NHS: variants seen among roughly 807,000 people sequenced by gnomAD.
The protein encoded by NHS is actin remodeling regulator NHS.
In NHS, 5 loss-of-function variants were observed where a neutral mutation model predicts 72.5. The observed-to-expected ratio is 0.07, with a 90% confidence interval of 0.04 to 0.14. The LOEUF is 0.14. Among genes scored for constraint, NHS ranks in the 10% least tolerant of loss-of-function variants. The probability of loss-of-function intolerance (pLI) is 1.00; values close to 1 mark genes in which losing one functional copy is unlikely to be tolerated. For synonymous variants in NHS, 464 were observed against 547.7 expected (o/e 0.85, Z 2.13); for missense variants, 1,072 against 1,355.7 (o/e 0.79, Z 3.29).
intron 1 of NHS, among the ~76,000 whole-genome samples, chrX:17,541,539 T>C (rs1195231499): frequency 9.0e-6 from 1 of 111,391 alleles, no homozygotes; most frequent in African/African-American, 3.3e-5. Context: ...ATAATGATAA[T>C]GATTTTTACT....
chrX:17,547,060 C>T (rs1318497521), intron 1 of NHS, among the ~76,000 whole-genome samples: 3 of 112,450 alleles, frequency 2.7e-5, no homozygotes, highest in Non-Finnish European at 3.8e-5. Context: ...TTGCACCCTT[C>T]AGGCATTTGC....
At chrX:17,543,006 C>T (rs2065271950) in intron 1 of NHS, among the ~76,000 whole-genome samples, 1 of 111,977 alleles carries the variant, frequency 8.9e-6, no homozygotes, top group Non-Finnish European at 1.9e-5. Context: ...ATAATGTCCT[C>T]ATATATGTTT....
Position 17,725,957 on chromosome X carries a change from TAGC to T in NHS, c.1855_1857del (p.Ser619del). The T allele has an allele frequency of 8.3e-7, 1 of 1,211,574 alleles. No individual in the cohort carries two copies. The highest frequency in any genetic ancestry group is 1.1e-6 in the Non-Finnish European group (1 of 895,398). The stretch of plus-strand genomic sequence containing the variant: ...GCATCTCCACGGCTGGCGTCCTCCT[TAGC>T]AGCCACATGGACCAGAAAGATGACC... On this transcript the variant is annotated inframe_deletion, in exon 7 of 9. Coordinates refer to ENST00000676302, the MANE Select transcript of NHS (RefSeq NM_001291867.2).
chrX:17,466,505 G>A (rs1433496289), intron 1 of NHS, among the ~76,000 whole-genome samples: 1 of 112,088 alleles, frequency 8.9e-6, no homozygotes, highest in Admixed American at 9.4e-5. Context: ...GCCAGAGTTG[G>A]GCTAGTCAAG....
chrX:17,673,387 G>A (rs1377745187), intron 1 of NHS, among the ~76,000 whole-genome samples: 2 of 111,096 alleles, frequency 1.8e-5, no homozygotes, highest in Non-Finnish European at 3.8e-5. Context: ...ACCAATATCT[G>A]CTCCTTTGTG....
chrX:17,580,169 C>G (rs192624973), intron 1 of NHS, among the ~76,000 whole-genome samples: 16 of 101,997 alleles, frequency 1.6e-4, no homozygotes, highest in Admixed American at 5.0e-4. Flanking sequence ...TCCCCACTCT[C>G]TCCAAATGCC....
intron 3 of NHS, among the ~76,000 whole-genome samples, chrX:17,703,947 G>A (rs963056041): frequency 2.7e-5 from 3 of 111,790 alleles, no homozygotes; most frequent in African/African-American, 9.8e-5. Flanking sequence ...TGGTGGCAAT[G>A]GTGTCCCCAA....
intron 1 of NHS, among the ~76,000 whole-genome samples, chrX:17,575,763 T>G (rs1440815219): frequency 8.9e-6 from 1 of 112,238 alleles, no homozygotes; most frequent in Non-Finnish European, 1.9e-5. Context: ...AATCAATATT[T>G]ATTGACACAC....
intron 1 of NHS, among the ~76,000 whole-genome samples, chrX:17,509,460 C>T (rs922776695): frequency 2.7e-5 from 3 of 112,024 alleles, no homozygotes; most frequent in African/African-American, 9.7e-5. Flanking sequence ...CTCCTTACCT[C>T]AGGTGATCCA....
intron 1 of NHS, 35 bp downstream of exon 1, chrX:17,376,357 G>C: frequency 9.0e-7 from 1 of 1,114,290 alleles, no homozygotes; most frequent in Non-Finnish European, 1.2e-6. Flanking sequence ...CCAGGCTATG[G>C]GTTTCTGCGC....
intron 1 of NHS, among the ~76,000 whole-genome samples, chrX:17,488,181 A>G (rs767754276): frequency 2.7e-5 from 3 of 111,524 alleles, no homozygotes; most frequent in Non-Finnish European, 5.6e-5. Context: ...TGAGCCAGAA[A>G]GGACAAGCAG....
intron 3 of NHS, among the ~76,000 whole-genome samples, chrX:17,700,570 C>T (rs2066257653): frequency 8.9e-6 from 1 of 111,988 alleles, no homozygotes; most frequent in African/African-American, 3.2e-5. Flanking sequence ...GAAACAAGCA[C>T]TCTCATACAT....
At position 17,515,428 on chromosome X, in the gene NHS, G is replaced by A. The variant is rs934984336; in HGVS notation, c.565+139106G>A. 5.4e-5 allele frequency among the ~76,000 whole-genome samples: 6 copies of A among 112,066 alleles called. No homozygotes were observed. In the Admixed American group the frequency reaches 5.7e-4, roughly 11 times the overall value. Reference sequence around the variant, plus strand: ...ATTCTGAGTCTATATTATATACCAAGGAATATTTATCTGTTTTATAAGTCT... The same window carrying A: ...ATTCTGAGTCTATATTATATACCAAAGAATATTTATCTGTTTTATAAGTCT... On this transcript the variant is annotated intron_variant, in intron 1 of 8. Transcript: ENST00000676302.
intron 1 of NHS, among the ~76,000 whole-genome samples, chrX:17,457,460 A>G (rs2064829941): frequency 9.0e-6 from 1 of 111,027 alleles, no homozygotes; most frequent in African/African-American, 3.3e-5. Context: ...CTTTTTAGCC[A>G]TCAGTTCCTA....
intron 1 of NHS, among the ~76,000 whole-genome samples, chrX:17,651,816 C>T (rs757180338): frequency 2.7e-5 from 3 of 112,649 alleles, no homozygotes; most frequent in Non-Finnish European, 5.6e-5. Context: ...ATAAAATATG[C>T]TCAGAACAAT....
At chrX:17,621,063 C>T (rs1029137137) in intron 1 of NHS, among the ~76,000 whole-genome samples, 1 of 112,388 alleles carries the variant, frequency 8.9e-6, no homozygotes, top group Admixed American at 9.4e-5. Context: ...CTCTGCTGCT[C>T]TGCAAAGAAA....
chrX:17,405,881 C>G, intron 1 of NHS, among the ~76,000 whole-genome samples: 1 of 112,175 alleles, frequency 8.9e-6, no homozygotes, highest in South Asian at 3.7e-4. Flanking sequence ...TTAGAGCATC[C>G]CTGAGGCCAT....
intron 1 of NHS, among the ~76,000 whole-genome samples, chrX:17,519,664 C>T: frequency 9.0e-6 from 1 of 111,520 alleles, no homozygotes; most frequent in Non-Finnish European, 1.9e-5. Flanking sequence ...CAGGAAGGGG[C>T]AGGGTGGCTA....
chrX:17,652,135 A>G (rs1308215759), intron 1 of NHS, among the ~76,000 whole-genome samples: 1 of 112,550 alleles, frequency 8.9e-6, no homozygotes, highest in East Asian at 2.8e-4. Flanking sequence ...AAAGCCTAAA[A>G]TACTTTCTAC....
Sources: allele counts gnomAD v4.1 joint callset (sites outside exome capture counted in the v4.1 genomes callset), GRCh38; gene constraint gnomAD v4.1.1; transcripts MANE v1.5; gene names NCBI Gene and HGNC (gene_info 2026-07-23, HGNC 2026-07-21).